Variants in WDFY2 observed in about 807,000 individuals in gnomAD.
WDFY2 encodes WD repeat and FYVE domain-containing protein 2.
A neutral mutation model predicts 56.4 loss-of-function variants in WDFY2; 36 were observed. The observed-to-expected ratio is 0.64, with a 90% CI of 0.49 to 0.84. The LOEUF (loss-of-function observed/expected upper bound fraction) is 0.84. WDFY2 is among the 40% of genes least tolerant of loss of function. The pLI is 0.00. For synonymous variants in WDFY2, 176 were observed against 183.7 expected, an observed-to-expected ratio of 0.96 and a Z score of 0.34; for missense variants, 444 against 512.2, an observed-to-expected ratio of 0.87 and a Z score of 1.29.
At chr13:51,738,123 A>G (rs371345170) in intron 6 of WDFY2, among the ~76,000 whole-genome samples, 2 of 152,230 alleles carry the variant, frequency 1.3e-5, no homozygotes, top group Non-Finnish European at 2.9e-5. Context: ...TCAGATTCCA[A>G]CAAATGAGAA....
At position 51,759,503 on chromosome 13, in the gene WDFY2, T is replaced by G. The variant is rs139986127; in HGVS notation, c.1174-237T>G. ...CCAGTCCTCTCAGCCATTAATAGAT[T>G]GAATCTGCCATGATTCTTCATGAGC... On this transcript the variant is annotated intron_variant, in intron 11 of 11. Coordinates refer to ENST00000298125, the MANE Select transcript of WDFY2 (RefSeq NM_052950.4). 5.2e-3 allele frequency among the ~76,000 whole-genome samples: 789 copies of G among 152,346 alleles called. 10 individuals carry two copies. Among genetic ancestry groups the G allele is most frequent in the African/African-American group, 0.018 (763 of 41,584 alleles).
chr13:51,644,385 A>G (rs1283691300), intron 1 of WDFY2, among the ~76,000 whole-genome samples: 2 of 152,232 alleles, frequency 1.3e-5, no homozygotes, highest in Non-Finnish European at 1.5e-5. Context: ...CTCACCTGGT[A>G]TATGGGTCCA....
intron 2 of WDFY2, among the ~76,000 whole-genome samples, chr13:51,663,787 A>G (rs1484040918): frequency 6.6e-6 from 1 of 152,208 alleles, no homozygotes; most frequent in Non-Finnish European, 1.5e-5. Flanking sequence ...ATTGGTTTCA[A>G]AACAAGTAAA....
intron 3 of WDFY2, among the ~76,000 whole-genome samples, chr13:51,703,253 T>G (rs1952019536): frequency 6.6e-6 from 1 of 152,224 alleles, no homozygotes; most frequent in African/African-American, 2.4e-5. Context: ...TCCTTACTGG[T>G]TAGAGCCTTG....
At chr13:51,637,344 C>A in intron 1 of WDFY2, among the ~76,000 whole-genome samples, 1 of 151,598 alleles carries the variant, frequency 6.6e-6, no homozygotes, top group Non-Finnish European at 1.5e-5. Flanking sequence ...TCATGTTTTT[C>A]TTAACTTTTT....
At chr13:51,759,712 A>G (rs1209487780) in intron 11 of WDFY2, 28 bp from the exon 12 acceptor site, 1 of 1,613,566 alleles carries the variant, frequency 6.2e-7, no homozygotes, top group Non-Finnish European at 8.5e-7. Flanking sequence ...ATTTTAGTTC[A>G]TTCTGTATCT....
Position 51,763,833 on chromosome 13 carries a change from T to G in WDFY2, c.*4064T>G, listed in dbSNP as rs963472278. 1.3e-5 allele frequency: 2 copies of G among 152,336 alleles called. No homozygotes were observed. The highest frequency in any genetic ancestry group is 2.9e-5 in the Non-Finnish European group (2 of 68,036). 9.4% of individuals were successfully genotyped at this position (152,336 alleles called of 1,614,324 possible). On this transcript the variant is annotated 3_prime_UTR_variant, in exon 12 of 12. Coordinates refer to ENST00000298125, the MANE Select transcript of WDFY2 (RefSeq NM_052950.4). The stretch of plus-strand genomic sequence containing the variant: ...AGTATAATTTATTTTTGCCTGATAT[T>G]AATCACTTCTTAAGGCCCAAATTTT...
intron 1 of WDFY2, among the ~76,000 whole-genome samples, chr13:51,642,876 C>T (rs1662386218): frequency 6.6e-6 from 1 of 151,962 alleles, no homozygotes; most frequent in African/African-American, 2.4e-5. Context: ...TGGGGTTTCA[C>T]CATGTTGGCC....
At chr13:51,616,927 CG>C (rs1414352386) in intron 1 of WDFY2, among the ~76,000 whole-genome samples, 2 of 152,178 alleles carry the variant, frequency 1.3e-5, no homozygotes, top group Admixed American at 1.3e-4. Context: ...TTAAGAAATA[CG>C]TAAGAAATGG....
At chr13:51,693,895 A>G (rs912767554) in intron 3 of WDFY2, among the ~76,000 whole-genome samples, 5 of 152,016 alleles carry the variant, frequency 3.3e-5, no homozygotes, top group Non-Finnish European at 5.9e-5. Flanking sequence ...TATTTAGGAT[A>G]GTTAGCTCTT....
At chr13:51,745,735 AT>A (rs1360957657) in intron 7 of WDFY2, among the ~76,000 whole-genome samples, 2 of 112,396 alleles carry the variant, frequency 1.8e-5, no homozygotes, top group South Asian at 3.1e-4. Context: ...ATTATCCTTC[AT>A]TTAAAAAAAA....
intron 2 of WDFY2, among the ~76,000 whole-genome samples, chr13:51,669,005 A>G (rs1481040828): frequency 6.6e-6 from 1 of 152,222 alleles, no homozygotes; most frequent in Non-Finnish European, 1.5e-5. Context: ...TCTTAAGTAC[A>G]TGATTTTTAA....
intron 1 of WDFY2, among the ~76,000 whole-genome samples, chr13:51,600,260 A>G (rs1036752743): frequency 6.6e-6 from 1 of 152,192 alleles, no homozygotes; most frequent in Non-Finnish European, 1.5e-5. Context: ...ATGATATATA[A>G]TGATGGAGTC....
chr13:51,630,784 T>C (rs1954937670), intron 1 of WDFY2, among the ~76,000 whole-genome samples: 1 of 151,488 alleles, frequency 6.6e-6, no homozygotes, highest in South Asian at 2.1e-4. Context: ...TTTTTTAGTT[T>C]CTCTTTTTTG....
At chr13:51,712,052 G>T (rs1262831326) in intron 4 of WDFY2, among the ~76,000 whole-genome samples, 4 of 152,186 alleles carry the variant, frequency 2.6e-5, no homozygotes, top group Admixed American at 2.6e-4. Context: ...CAACCCAAAT[G>T]TCCATCAATG....
At chr13:51,608,102 G>A (rs186647465) in intron 1 of WDFY2, among the ~76,000 whole-genome samples, 54 of 152,248 alleles carry the variant, frequency 3.5e-4, no homozygotes, top group African/African-American at 1.3e-3. Context: ...CTTGATTTTA[G>A]CCCCTTAACA....
At chr13:51,729,643 G>A (rs1310956564) in intron 6 of WDFY2, among the ~76,000 whole-genome samples, 3 of 152,042 alleles carry the variant, frequency 2.0e-5, no homozygotes, top group South Asian at 2.1e-4. Context: ...GGGTCTCCAC[G>A]CCAAAATGGA....
chr13:51,712,564 GACTTTGACTTCC>G (rs1952246766), intron 4 of WDFY2, among the ~76,000 whole-genome samples: 1 of 152,066 alleles, frequency 6.6e-6, no homozygotes, highest in African/African-American at 2.4e-5. Flanking sequence ...CATTAACAGT[GACTTTGACTTCC>G]ACCTTAGAAT....
At chr13:51,700,839 T>C (rs1951969104) in intron 3 of WDFY2, among the ~76,000 whole-genome samples, 1 of 152,130 alleles carries the variant, frequency 6.6e-6, no homozygotes, top group Non-Finnish European at 1.5e-5. Context: ...TGGTGGCGCA[T>C]GCCTGTAATC....
Sources: gnomAD v4.1 joint callset for allele counts (sites outside exome capture counted in the v4.1 genomes callset) on GRCh38, gnomAD v4.1.1 for gene constraint, MANE v1.5 for transcripts, NCBI Gene and HGNC (gene_info 2026-07-23, HGNC 2026-07-21) for gene names.